The following CD200 variants were observed in gnomAD, a reference collection of about 807,000 sequenced individuals.
The protein encoded by CD200 is CD200 molecule, also known as OX-2 membrane glycoprotein.
CD200 carries 15 observed loss-of-function variants against 30.9 expected under a neutral mutation model. The observed-to-expected ratio is 0.49, with a 90% CI of 0.32 to 0.75. The LOEUF is 0.75. Among genes scored for constraint, CD200 ranks in the 30% least tolerant of loss-of-function variants. The pLI is 0.03. For synonymous variants in CD200, 134 were observed against 126.2 expected (o/e 1.06, Z -0.41); for missense variants, 262 against 324.2 (o/e 0.81, Z 1.47).
chr3:112,353,394 A>G (rs1057494793), intron 5 of CD200, among the ~76,000 whole-genome samples: 3 of 152,062 alleles, frequency 2.0e-5, no homozygotes, highest in Admixed American at 6.6e-5. Flanking sequence ...TTATATGCCA[A>G]ACTTCACTTT....
intron 1 of CD200, among the ~76,000 whole-genome samples, chr3:112,335,244 C>T (rs1248276500): frequency 6.6e-6 from 1 of 151,984 alleles, no homozygotes; most frequent in African/African-American, 2.4e-5. Flanking sequence ...GTATAATACC[C>T]AGCAGTGGAT....
intron 1 of CD200, among the ~76,000 whole-genome samples, chr3:112,339,808 A>C (rs1344607598): frequency 6.6e-6 from 1 of 152,262 alleles, no homozygotes; most frequent in Non-Finnish European, 1.5e-5. Context: ...CAATAATTGC[A>C]CAAACTAATG....
chr3:112,354,340 A>G (rs1188319986), intron 5 of CD200, among the ~76,000 whole-genome samples: 1 of 152,206 alleles, frequency 6.6e-6, no homozygotes, highest in East Asian at 1.9e-4. Context: ...TAGACTAATT[A>G]ATGAAAAACA....
At position 112,361,682 on chromosome 3, in the gene CD200, G is replaced by C; in HGVS notation, c.*132G>C. 1.2e-6 allele frequency: 1 copy of C among 842,610 alleles called. No individual in the cohort carries two copies. The highest frequency in any genetic ancestry group is 2.0e-6 in the Non-Finnish European group (1 of 489,560). 52.2% of individuals were successfully genotyped at this position (842,610 alleles called of 1,614,324 possible). A position where few individuals can be genotyped will look rare whatever the true frequency, so the allele number is the denominator to read the frequency against. On this transcript the variant is annotated 3_prime_UTR_variant, in exon 6 of 6. Transcript: ENST00000315711. ...AAGAGGTGGGAGCGAAAGCCTTAAGGATCCCACGACTTTTTACTGCCATCT... is the reference window on the plus strand; with the variant it reads ...AAGAGGTGGGAGCGAAAGCCTTAAGCATCCCACGACTTTTTACTGCCATCT...
intron 1 of CD200, among the ~76,000 whole-genome samples, chr3:112,337,420 G>A (rs1474240246): frequency 2.0e-5 from 3 of 152,142 alleles, no homozygotes; most frequent in East Asian, 1.9e-4. Context: ...ATACCAAGGC[G>A]GGAAATTGCG....
chr3:112,332,901 C>T, upstream of CD200: 1 of 416,064 alleles, frequency 2.4e-6, no homozygotes, highest in Non-Finnish European at 4.4e-6. Context: ...GTCCAGGTAG[C>T]AGGAAAATGG....
upstream of CD200, chr3:112,332,658 G>A: frequency 5.6e-6 from 1 of 179,838 alleles, no homozygotes; most frequent in Non-Finnish European, 1.2e-5. Context: ...ATTAATGCAA[G>A]TGGAAGGAAA....
intron 3 of CD200, among the ~76,000 whole-genome samples, chr3:112,346,159 T>A (rs1009299340): frequency 3.9e-5 from 6 of 151,916 alleles, no homozygotes; most frequent in African/African-American, 1.2e-4. Context: ...CTATAATGAG[T>A]CCTCTCTGTA....
rs184427363 is a variant in CD200, at chr3:112,348,248, C to T, written c.694+418C>T. 1.5e-3 allele frequency among the ~76,000 whole-genome samples: 221 copies of T among 152,266 alleles called. 2 individuals are homozygous for T. Among genetic ancestry groups the T allele is most frequent in the Admixed American group, 5.6e-3 (86 of 15,286 alleles). ...TGCATTACATTCTCCAGTGAGAAAGCTATGATGCACCATGGGAGGATTGGA... is the reference window on the plus strand; with the variant it reads ...TGCATTACATTCTCCAGTGAGAAAGTTATGATGCACCATGGGAGGATTGGA... On this transcript the variant is annotated intron_variant, in intron 4 of 5. Transcript: ENST00000315711.
chr3:112,335,292 CA>C (rs1388958557), intron 1 of CD200, among the ~76,000 whole-genome samples: 1 of 152,108 alleles, frequency 6.6e-6, no homozygotes, highest in Admixed American at 6.5e-5. Flanking sequence ...TGTATGTATT[CA>C]GGCAGCTGAA....
chr3:112,339,255 A>G (rs187162550), intron 1 of CD200, among the ~76,000 whole-genome samples: 4 of 152,330 alleles, frequency 2.6e-5, no homozygotes, highest in Admixed American at 2.6e-4. Context: ...AAGGAATACT[A>G]AGCAGAAAAT....
chr3:112,345,649 G>T (rs148497135), intron 3 of CD200, among the ~76,000 whole-genome samples: 23 of 152,326 alleles, frequency 1.5e-4, no homozygotes, highest in African/African-American at 5.5e-4. Context: ...GAGTTTCATT[G>T]TCTGGACAAT....
At chr3:112,346,205 TTTCA>T (rs1406551333) in intron 3 of CD200, among the ~76,000 whole-genome samples, 1 of 152,180 alleles carries the variant, frequency 6.6e-6, no homozygotes, top group Non-Finnish European at 1.5e-5. Flanking sequence ...TTTCCACTTC[TTTCA>T]TTCTCTCTTT....
rs2081684381 is a variant in CD200 at position 112,358,985 on chromosome 3, CAAAG to C, written c.803-2555_803-2552del. On this transcript the variant is annotated intron_variant, in intron 5 of 5. Transcript: ENST00000315711. Reference sequence around the variant, plus strand: ...TATATTCCTGAACCACACAAAAAGACAAAGAATCACATTCTCTACAAGTGTCCTG... The same window carrying C: ...TATATTCCTGAACCACACAAAAAGACAATCACATTCTCTACAAGTGTCCTG... Among the ~76,000 whole-genome samples, 3 of 152,140 alleles carry C rather than the reference CAAAG, an allele frequency of 2.0e-5. 1 individual carries two copies. In the South Asian group the frequency reaches 6.2e-4, roughly 32 times the overall value.
intron 5 of CD200, among the ~76,000 whole-genome samples, chr3:112,358,493 A>G (rs75358256): frequency 6.6e-6 from 1 of 152,130 alleles, no homozygotes; most frequent in Non-Finnish European, 1.5e-5. Flanking sequence ...GTGCAGTTGT[A>G]TCTCTTTTTG....
intron 1 of CD200, 195 bp downstream of exon 1, chr3:112,333,419 C>CAA: frequency 1.0e-6 from 1 of 985,390 alleles, no homozygotes; most frequent in Non-Finnish European, 1.2e-6. Flanking sequence ...TTTTGCCTTC[C>CAA]AAAGGGTGGT....
intron 1 of CD200, among the ~76,000 whole-genome samples, chr3:112,336,412 T>C (rs1559779040): frequency 6.7e-6 from 1 of 150,268 alleles, no homozygotes; most frequent in African/African-American, 2.5e-5. Flanking sequence ...CCCAGAGAAA[T>C]TGAAAGGCAA....
intron 3 of CD200, among the ~76,000 whole-genome samples, chr3:112,345,581 C>A (rs761829311): frequency 6.6e-6 from 1 of 152,180 alleles, no homozygotes; most frequent in Non-Finnish European, 1.5e-5. Context: ...ATGATTCAGA[C>A]CTGGCTTTGC....
Position 112,333,710 on chromosome 3 carries a change from T to G in CD200, c.12+486T>G, listed in dbSNP as rs1021423191. On this transcript the variant is annotated intron_variant, in intron 1 of 5. Coordinates refer to ENST00000315711, the MANE Select transcript of CD200 (RefSeq NM_005944.7). ...CCAGGCTCGCTTTCTCCGGGAGAGC[T>G]CCTGCGTCTCCTCTTTGTTATGCAG... 26 of 985,310 alleles carry G rather than the reference T, an allele frequency of 2.6e-5. No individual in the cohort carries two copies. In the African/African-American group the frequency reaches 4.4e-4, roughly 17 times the overall value. 61.0% of individuals were successfully genotyped at this position (985,310 alleles called of 1,614,324 possible). A position where few individuals can be genotyped will look rare whatever the true frequency, so the allele number is the denominator to read the frequency against.
Sources: allele counts gnomAD v4.1 joint callset (sites outside exome capture counted in the v4.1 genomes callset), GRCh38; gene constraint gnomAD v4.1.1; transcripts MANE v1.5; gene names NCBI Gene and HGNC (gene_info 2026-07-23, HGNC 2026-07-21).